The following MSI2 variants were observed in gnomAD, a reference collection of about 807,000 sequenced individuals.
MSI2 encodes RNA-binding protein Musashi homolog 2.
MSI2 carries 17 observed loss-of-function variants against 45.6 expected under a neutral mutation model. The observed-to-expected ratio is 0.37, with a 90% confidence interval of 0.26 to 0.56. MSI2 has a LOEUF of 0.56. Among genes scored for constraint, MSI2 ranks in the 20% least tolerant of loss-of-function variants. The probability of loss-of-function intolerance (pLI) is 0.77; values close to 1 mark genes in which losing one functional copy is unlikely to be tolerated. For synonymous variants in MSI2, 156 were observed against 158.2 expected, an observed-to-expected ratio of 0.99 and a Z score of 0.11; for missense variants, 293 against 444.2, an observed-to-expected ratio of 0.66 and a Z score of 3.06.
chr17:57,308,997 G>A (rs1162355337), intron 5 of MSI2, among the ~76,000 whole-genome samples: 2 of 152,110 alleles, frequency 1.3e-5, no homozygotes, highest in Non-Finnish European at 2.9e-5. Context: ...CCAGGTTGAG[G>A]GCTGCCTGTA....
chr17:57,397,293 C>T (rs1318375562), intron 5 of MSI2, among the ~76,000 whole-genome samples: 1 of 152,140 alleles, frequency 6.6e-6, no homozygotes, highest in African/African-American at 2.4e-5. Context: ...ACCCGGGGGC[C>T]TGCCTTGTCC....
chr17:57,644,932 T>C (rs1910537424), intron 10 of MSI2, among the ~76,000 whole-genome samples: 1 of 152,052 alleles, frequency 6.6e-6, no homozygotes, highest in East Asian at 1.9e-4. Flanking sequence ...AAGTAGCAAC[T>C]GGGCCAGAAC....
At chr17:57,598,389 C>T (rs75500248) in intron 8 of MSI2, among the ~76,000 whole-genome samples, 13,436 of 152,250 alleles carry the variant, frequency 0.088, 676 homozygotes, top group Middle Eastern at 0.14. Flanking sequence ...TAGCATGTGG[C>T]GCTACAGGCC....
chr17:57,496,013 T>C (rs1051461146), intron 6 of MSI2, among the ~76,000 whole-genome samples: 3 of 152,198 alleles, frequency 2.0e-5, no homozygotes, highest in African/African-American at 4.8e-5. Flanking sequence ...ACAGTTAATA[T>C]ACTTGAATGA....
intron 8 of MSI2, among the ~76,000 whole-genome samples, chr17:57,598,093 T>C (rs1170899501): frequency 2.0e-5 from 3 of 152,238 alleles, no homozygotes; most frequent in Non-Finnish European, 4.4e-5. Context: ...TTCCCTTCTT[T>C]GTTGGTTCCA....
At chr17:57,262,337 C>A in intron 5 of MSI2, 145 bp downstream of exon 5, 2 of 795,006 alleles carry the variant, frequency 2.5e-6, no homozygotes, top group East Asian at 2.7e-5. Context: ...GCAAGTAGTC[C>A]TGTGAGATAA....
At chr17:57,450,885 T>G (rs1299104645) in intron 6 of MSI2, among the ~76,000 whole-genome samples, 1 of 151,960 alleles carries the variant, frequency 6.6e-6, no homozygotes, top group African/African-American at 2.4e-5. Flanking sequence ...TCCCAAAACT[T>G]TTTGCCTTTT....
intron 5 of MSI2, among the ~76,000 whole-genome samples, chr17:57,387,987 T>C (rs1185692876): frequency 6.6e-6 from 1 of 152,212 alleles, no homozygotes; most frequent in Non-Finnish European, 1.5e-5. Flanking sequence ...CCTAGTAAAA[T>C]GCATTACAGG....
intron 6 of MSI2, among the ~76,000 whole-genome samples, chr17:57,451,897 C>T (rs1397648228): frequency 2.0e-5 from 3 of 152,320 alleles, no homozygotes; most frequent in Non-Finnish European, 2.9e-5. Context: ...ATCTGTCACC[C>T]TCATCAGCTG....
At chr17:57,651,687 G>A (rs1300387234) in intron 10 of MSI2, among the ~76,000 whole-genome samples, 5 of 152,358 alleles carry the variant, frequency 3.3e-5, no homozygotes, top group Non-Finnish European at 7.3e-5. Context: ...GCACGGGGCT[G>A]ACCACTCCGC....
At chr17:57,689,289 A>G (rs1042508211), downstream of MSI2, among the ~76,000 whole-genome samples, 2 of 152,132 alleles carry the variant, frequency 1.3e-5, no homozygotes, top group Admixed American at 6.5e-5. Context: ...TTTAAAAACT[A>G]TTTCCATTTT....
At chr17:57,539,008 T>G (rs1598380245) in intron 7 of MSI2, among the ~76,000 whole-genome samples, 1 of 152,298 alleles carries the variant, frequency 6.6e-6, no homozygotes, top group South Asian at 2.1e-4. Context: ...TCTCTGCCCA[T>G]ACTAAACACT....
chr17:57,482,690 G>A (rs1038934204), intron 6 of MSI2, among the ~76,000 whole-genome samples: 8 of 152,094 alleles, frequency 5.3e-5, no homozygotes, highest in Admixed American at 3.3e-4. Context: ...TTAACCTCCC[G>A]AGACTCTGTG....
At chr17:57,548,484 C>T (rs1216513156) in intron 7 of MSI2, among the ~76,000 whole-genome samples, 2 of 152,074 alleles carry the variant, frequency 1.3e-5, no homozygotes, top group African/African-American at 4.8e-5. Context: ...AAGTCATTTC[C>T]GATGTGTCAG....
chr17:57,321,114 G>A (rs756816171), intron 5 of MSI2, among the ~76,000 whole-genome samples: 3 of 151,864 alleles, frequency 2.0e-5, no homozygotes, highest in African/African-American at 7.3e-5. Flanking sequence ...TTGGGGGCCT[G>A]GGATGGTCTA....
intron 5 of MSI2, among the ~76,000 whole-genome samples, chr17:57,301,444 A>C (rs769081544): frequency 6.6e-6 from 1 of 152,216 alleles, no homozygotes; most frequent in Non-Finnish European, 1.5e-5. Flanking sequence ...TGTAAATAGG[A>C]ATACTCACAT....
At position 57,651,513 on chromosome 17, in the gene MSI2, G is replaced by A. The variant is rs567818854; in HGVS notation, c.728-586G>A. Among the ~76,000 whole-genome samples the A allele has an allele frequency of 1.5e-4, 23 of 152,260 alleles. No individual in the cohort carries two copies. In the Middle Eastern group the frequency reaches 0.01, roughly 68 times the overall value. ...TGGGACCCCCCAATGCTTCACCCTC[G>A]GGCCTGGGGCTGTGATGCTGCTGAC... On this transcript the variant is annotated intron_variant, in intron 10 of 13. Coordinates refer to ENST00000284073, the MANE Select transcript of MSI2 (RefSeq NM_138962.4).
intron 8 of MSI2, among the ~76,000 whole-genome samples, chr17:57,597,980 C>T (rs1399291247): frequency 6.6e-6 from 1 of 152,186 alleles, no homozygotes; most frequent in African/African-American, 2.4e-5. Context: ...TTTGGGAAGT[C>T]GTGTAGGCCT....
intron 5 of MSI2, among the ~76,000 whole-genome samples, chr17:57,373,974 G>A (rs2083457015): frequency 6.6e-6 from 1 of 152,204 alleles, no homozygotes; most frequent in African/African-American, 2.4e-5. Context: ...CTTATGGCGA[G>A]GAGGTTGGAC....
Sources: allele counts gnomAD v4.1 joint callset (sites outside exome capture counted in the v4.1 genomes callset), GRCh38; gene constraint gnomAD v4.1.1; transcripts MANE v1.5; gene names NCBI Gene and HGNC (gene_info 2026-07-23, HGNC 2026-07-21).